BTBD9: variants seen among roughly 807,000 people sequenced by gnomAD.
BTBD9 encodes BTB domain containing 9.
Under a neutral mutation model 64.3 loss-of-function variants are expected in BTBD9, and 49 were observed. That is an observed-to-expected ratio of 0.76 (90% CI 0.61 to 0.97). The LOEUF is 0.97. Among genes scored for constraint, BTBD9 ranks in the 50% least tolerant of loss-of-function variants. The pLI is 0.00. For synonymous variants in BTBD9, 260 were observed against 274.7 expected (o/e 0.95, Z 0.53); for missense variants, 598 against 762.1 (o/e 0.78, Z 2.53).
intron 6 of BTBD9, among the ~76,000 whole-genome samples, chr6:38,473,539 C>T (rs749006218): frequency 3.3e-5 from 5 of 152,182 alleles, no homozygotes; most frequent in Non-Finnish European, 5.9e-5. Flanking sequence ...CTTCTGATTC[C>T]TACTCTGCTC....
At chr6:38,363,306 T>A (rs1765047672) in intron 6 of BTBD9, among the ~76,000 whole-genome samples, 1 of 152,194 alleles carries the variant, frequency 6.6e-6, no homozygotes, top group Admixed American at 6.5e-5. Flanking sequence ...TTCATGCCTG[T>A]AAGCCTTTGG....
rs113045623 is a variant in BTBD9 at position 38,467,272 on chromosome 6, C to A, written c.1154+110328G>T. Among the ~76,000 whole-genome samples the A allele has an allele frequency of 7.3e-3, 1,115 of 152,256 alleles. 9 individuals carry two copies. The highest frequency in any genetic ancestry group is 0.025 in the African/African-American group (1,055 of 41,540). ...AGCTTGGTTTTCAGAAACCGTCAGA[C>A]GCTTCTTTTCCTCAAAGTTTCTTCC... On this transcript the variant is annotated intron_variant, in intron 6 of 10. Transcript: ENST00000481247.
chr6:38,430,068 T>C (rs1417086080), intron 6 of BTBD9, among the ~76,000 whole-genome samples: 1 of 151,972 alleles, frequency 6.6e-6, no homozygotes, highest in Non-Finnish European at 1.5e-5. Flanking sequence ...AAGACCAAAC[T>C]CCTTACTGAA....
intron 6 of BTBD9, among the ~76,000 whole-genome samples, chr6:38,535,456 A>C (rs1256943559): frequency 1.3e-5 from 2 of 152,164 alleles, no homozygotes; most frequent in Non-Finnish European, 2.9e-5. Flanking sequence ...ATTCAATGCA[A>C]TCATAATCAA....
chr6:38,253,761 G>C (rs1272015719), intron 9 of BTBD9, among the ~76,000 whole-genome samples: 1 of 152,044 alleles, frequency 6.6e-6, no homozygotes, highest in Non-Finnish European at 1.5e-5. Context: ...GTATAAAAAG[G>C]GTTCCAGGAG....
chr6:38,342,993 T>G (rs1010981023), intron 7 of BTBD9, among the ~76,000 whole-genome samples: 1 of 151,910 alleles, frequency 6.6e-6, no homozygotes, highest in Admixed American at 6.6e-5. Context: ...TCAGAGGGGG[T>G]TCCACTGCAG....
intron 6 of BTBD9, among the ~76,000 whole-genome samples, chr6:38,373,980 T>C (rs1028471462): frequency 6.6e-6 from 1 of 151,928 alleles, no homozygotes; most frequent in African/African-American, 2.4e-5. Context: ...TTTTTAAATA[T>C]CTACACTCAG....
chr6:38,182,854 G>A (rs1761623587), intron 10 of BTBD9, among the ~76,000 whole-genome samples: 1 of 152,206 alleles, frequency 6.6e-6, no homozygotes, highest in African/African-American at 2.4e-5. Context: ...AATATGACAG[G>A]TCTAAGGATT....
chr6:38,608,943 G>T (rs190816837), intron 1 of BTBD9, among the ~76,000 whole-genome samples: 2 of 152,068 alleles, frequency 1.3e-5, no homozygotes, highest in African/African-American at 2.4e-5. Flanking sequence ...AAAAGAAGAA[G>T]CAGAAGAAAA....
At chr6:38,498,580 G>A (rs1050869011) in intron 6 of BTBD9, among the ~76,000 whole-genome samples, 1 of 151,988 alleles carries the variant, frequency 6.6e-6, no homozygotes, top group Admixed American at 6.6e-5. Context: ...TCGTTGGCCT[G>A]GGCAAGTCAC....
chr6:38,586,344 A>T (rs1776523804), intron 4 of BTBD9, among the ~76,000 whole-genome samples: 1 of 152,168 alleles, frequency 6.6e-6, no homozygotes, highest in Admixed American at 6.5e-5. Flanking sequence ...TATATGCATA[A>T]AACTAGTCTA....
At chr6:38,632,576 T>C (rs987362418) in intron 1 of BTBD9, among the ~76,000 whole-genome samples, 3 of 152,138 alleles carry the variant, frequency 2.0e-5, no homozygotes, top group Non-Finnish European at 2.9e-5. Context: ...ACTTGAAAAA[T>C]GTAAACTTGA....
intron 6 of BTBD9, among the ~76,000 whole-genome samples, chr6:38,501,450 C>T (rs1196417670): frequency 6.6e-6 from 1 of 152,236 alleles, no homozygotes; most frequent in Non-Finnish European, 1.5e-5. Flanking sequence ...GTGCTTTCCA[C>T]TTGGGCACAT....
intron 6 of BTBD9, among the ~76,000 whole-genome samples, chr6:38,441,241 G>T (rs879616333): frequency 6.6e-6 from 1 of 152,188 alleles, no homozygotes; most frequent in Non-Finnish European, 1.5e-5. Flanking sequence ...TAGGTGAAGG[G>T]CTAAGAATGT....
intron 6 of BTBD9, among the ~76,000 whole-genome samples, chr6:38,505,613 G>C (rs1469784690): frequency 2.0e-5 from 3 of 150,200 alleles, no homozygotes; most frequent in Non-Finnish European, 4.4e-5. Flanking sequence ...GACACAGCGA[G>C]ACTCTGTCTC....
intron 4 of BTBD9, among the ~76,000 whole-genome samples, chr6:38,582,848 T>G (rs1776356480): frequency 1.3e-5 from 2 of 152,106 alleles, no homozygotes; most frequent in African/African-American, 4.8e-5. Context: ...AAAATTACAC[T>G]ACAGATAATA....
chr6:38,341,724 A>G lies in BTBD9; in HGVS notation c.1264+3260T>C, dbSNP rs377436241. 3.3e-5 allele frequency among the ~76,000 whole-genome samples: 5 copies of G among 152,354 alleles called. No homozygotes were observed. In the East Asian group the frequency reaches 7.7e-4, roughly 23 times the overall value. Reference sequence around the variant, plus strand: ...CCATGTCTCACTGGTAAGACAAGTTAGGGTTTCTTACAAATGCCTCCTAAC... The same window carrying G: ...CCATGTCTCACTGGTAAGACAAGTTGGGGTTTCTTACAAATGCCTCCTAAC... On this transcript the variant is annotated intron_variant, in intron 7 of 10. Transcript: ENST00000481247.
At chr6:38,420,893 A>G (rs200805267) in intron 6 of BTBD9, among the ~76,000 whole-genome samples, 1 of 152,278 alleles carries the variant, frequency 6.6e-6, no homozygotes, top group East Asian at 1.9e-4. Flanking sequence ...TAACATAATA[A>G]AACAATTACA....
intron 8 of BTBD9, among the ~76,000 whole-genome samples, chr6:38,286,025 G>A (rs1269532876): frequency 6.6e-6 from 1 of 152,168 alleles, no homozygotes; most frequent in African/African-American, 2.4e-5. Context: ...AAGGAAGGTG[G>A]GGTATTATTT....
Sources: allele counts gnomAD v4.1 joint callset (sites outside exome capture counted in the v4.1 genomes callset), GRCh38; gene constraint gnomAD v4.1.1; transcripts MANE v1.5; gene names NCBI Gene and HGNC (gene_info 2026-07-23, HGNC 2026-07-21).